The following NRL variants were observed in gnomAD, a reference collection of about 807,000 sequenced individuals.
The protein encoded by NRL is neural retina leucine zipper.
A neutral mutation model predicts 12.5 loss-of-function variants in NRL; 16 were observed. That is an observed-to-expected ratio of 1.28 (90% CI 0.87 to 1.95). NRL has a LOEUF of 1.95. Among genes scored for constraint, NRL ranks in the 30% most tolerant of loss-of-function variants. The probability of loss-of-function intolerance (pLI) is 0.00; values close to 1 mark genes in which losing one functional copy is unlikely to be tolerated. For synonymous variants in NRL, 142 were observed against 150.9 expected (o/e 0.94, Z 0.43); for missense variants, 314 against 325.8 (o/e 0.96, Z 0.28).
In NRL at chr14:24,081,346, G is replaced by T. The variant is rs1350116482; in HGVS notation, c.604C>A (p.Arg202=). ...ARLAAQLDAL[R]AEVARLARER... ...CGGGCCAGGCGGGCCACCTCGGCCC[G>T]CAGCGCGTCCAGCTGGGCGGCCAGG... Residue 202 remains arginine (R), a synonymous_variant, in exon 3 of 3, where the codon CGG becomes AGG. Transcript: ENST00000561028. The surrounding 1 kb of genome is among the most constrained non-coding windows in gnomAD (Gnocchi z 4.4). 1.4e-6 allele frequency: 2 copies of T among 1,465,630 alleles called. No homozygotes were observed. The highest frequency in any genetic ancestry group is 5.9e-5 in the East Asian group (2 of 33,940). 90.8% of individuals were successfully genotyped at this position (1,465,630 alleles called of 1,614,324 possible).
chr14:24,083,470 G>A (rs1164277426), intron 1 of NRL, among the ~76,000 whole-genome samples: 1 of 151,946 alleles, frequency 6.6e-6, no homozygotes, highest in East Asian at 1.9e-4. Flanking sequence ...GGCTTTATAT[G>A]GAAAAAAGAA....
intron 1 of NRL, among the ~76,000 whole-genome samples, chr14:24,111,746 T>C (rs995357179): frequency 1.3e-4 from 19 of 151,648 alleles, no homozygotes; most frequent in East Asian, 3.9e-4. Flanking sequence ...GCTGAGACGA[T>C]GGGGTTTTCT....
chr14:24,105,176 T>C (rs1326962738), intron 1 of NRL, among the ~76,000 whole-genome samples: 2 of 152,284 alleles, frequency 1.3e-5, no homozygotes, highest in Non-Finnish European at 2.9e-5. Flanking sequence ...TCTGGCTGGT[T>C]ATCTGCAGCA....
rs1594329807 is a variant in NRL, at chr14:24,114,920, G to A, written c.-226C>T. 2.0e-6 allele frequency: 2 copies of A among 986,056 alleles called. No homozygotes were observed. The highest frequency in any genetic ancestry group is 1.1e-4 in the East Asian group (1 of 8,826). The allele number at this position is 986,056 out of a possible 1,614,324, so 61.1% of individuals were successfully genotyped here. ...CGCTGCGGGTCCTGCGACCGCTCCTGGCTGGTGGGTGGTCTCGCGTGGGGC... is the reference window on the plus strand; with the variant it reads ...CGCTGCGGGTCCTGCGACCGCTCCTAGCTGGTGGGTGGTCTCGCGTGGGGC... On this transcript the variant is annotated 5_prime_UTR_variant, in exon 1 of 3. Coordinates refer to ENST00000561028, the MANE Select transcript of NRL (RefSeq NM_001354768.3).
intron 1 of NRL, chr14:24,103,641 T>C (rs756048339): frequency 6.2e-7 from 1 of 1,614,138 alleles, no homozygotes; most frequent in South Asian, 1.1e-5. Flanking sequence ...CCATGTCAAC[T>C]GGTTCCGGCG....
intron 1 of NRL, chr14:24,096,890 A>G (rs758243517): frequency 1.2e-6 from 2 of 1,611,736 alleles, no homozygotes; most frequent in Non-Finnish European, 1.7e-6. Flanking sequence ...TTTCTCCTAT[A>G]GGCTTAACTG....
chr14:24,082,136 A>G, intron 2 of NRL: 1 of 1,216,466 alleles, frequency 8.2e-7, no homozygotes, highest in South Asian at 1.7e-5. Flanking sequence ...CTCCACACAT[A>G]ACCCTTTCCC....
Position 24,096,752 on chromosome 14 carries a change from C to T in NRL, c.-27-13877G>A, listed in dbSNP as rs114736929. The T allele has an allele frequency of 8.5e-4, 628 of 735,366 alleles. 2 individuals carry two copies. The highest frequency in any genetic ancestry group is 6.8e-3 in the African/African-American group (394 of 57,738). 45.6% of individuals were successfully genotyped at this position (735,366 alleles called of 1,614,324 possible). A position where few individuals can be genotyped will look rare whatever the true frequency, so the allele number is the denominator to read the frequency against. On this transcript the variant is annotated intron_variant, in intron 1 of 2. Coordinates refer to ENST00000561028, the MANE Select transcript of NRL (RefSeq NM_001354768.3). ...ATGTGTCCTGAACACATCCCACACA[C>T]CAACTGCAACCTGCTCTTCATGGTC...
In NRL at chr14:24,085,118, T is replaced by G. The variant is rs2036432829; in HGVS notation, c.-27-2243A>C. 6.6e-6 allele frequency among the ~76,000 whole-genome samples: 1 copy of G among 152,224 alleles called. No homozygotes were observed. Among genetic ancestry groups the G allele is most frequent in the Non-Finnish European group, 1.5e-5 (1 of 68,040 alleles). On this transcript the variant is annotated intron_variant, in intron 1 of 2. Coordinates refer to ENST00000561028, the MANE Select transcript of NRL (RefSeq NM_001354768.3). The surrounding 1 kb of genome is among the most constrained non-coding windows in gnomAD (Gnocchi z 4.1). ...TCACATTTCTACCTCTGCCCCATCTTCATGCTGACTGGTCTTATGCCCCTC... is the reference window on the plus strand; with the variant it reads ...TCACATTTCTACCTCTGCCCCATCTGCATGCTGACTGGTCTTATGCCCCTC...
chr14:24,097,721 G>A (rs2036957573), intron 1 of NRL, among the ~76,000 whole-genome samples: 1 of 151,790 alleles, frequency 6.6e-6, no homozygotes, highest in South Asian at 2.1e-4. Context: ...AGCCTCCGGA[G>A]TAGCTGGGAT....
At chr14:24,108,193 G>A (rs1011073537) in intron 1 of NRL, among the ~76,000 whole-genome samples, 1 of 152,154 alleles carries the variant, frequency 6.6e-6, no homozygotes, top group Non-Finnish European at 1.5e-5. Context: ...CTTCTTTCAG[G>A]GGGAAATGGC....
intron 1 of NRL, among the ~76,000 whole-genome samples, chr14:24,109,103 G>T (rs2037380702): frequency 6.6e-6 from 1 of 152,206 alleles, no homozygotes; most frequent in Non-Finnish European, 1.5e-5. Flanking sequence ...AATGGGTGCT[G>T]AAGGTAGAAA....
At chr14:24,088,654 T>G (rs1237979851) in intron 1 of NRL, among the ~76,000 whole-genome samples, 2 of 143,746 alleles carry the variant, frequency 1.4e-5, no homozygotes, top group East Asian at 4.1e-4. Context: ...GAATTATACT[T>G]TTTTTTTTTT....
At chr14:24,102,418 A>G (rs1444748834) in intron 1 of NRL, among the ~76,000 whole-genome samples, 1 of 152,180 alleles carries the variant, frequency 6.6e-6, no homozygotes, top group Admixed American at 6.5e-5. Context: ...GGGAAAAATT[A>G]TTATAACCTT....
Position 24,094,463 on chromosome 14 carries a change from C to A in NRL, c.-27-11588G>T, listed in dbSNP as rs1341656248. The A allele has an allele frequency of 1.3e-6, 2 of 1,512,992 alleles. No homozygotes were observed. The highest frequency in any genetic ancestry group is 1.8e-6 in the Non-Finnish European group (2 of 1,137,708). 93.7% of individuals were successfully genotyped at this position (1,512,992 alleles called of 1,614,324 possible). A position where few individuals can be genotyped will look rare whatever the true frequency, so the allele number is the denominator to read the frequency against. ...AGTGACCCCCGGCCCGGGGCCCACC[C>A]GCACCTTCCGCTGCGCTCGCCCCCT... On this transcript the variant is annotated intron_variant, in intron 1 of 2. Transcript: ENST00000561028. The surrounding 1 kb of genome is among the most constrained non-coding windows in gnomAD (Gnocchi z 4.1).
At chr14:24,084,594 A>G in intron 1 of NRL, 5 of 985,492 alleles carry the variant, frequency 5.1e-6, no homozygotes, top group Non-Finnish European at 4.8e-6. Context: ...TGAAGGCTCC[A>G]TGGAGCAGGG....
intron 1 of NRL, among the ~76,000 whole-genome samples, chr14:24,104,446 G>A (rs1235549768): frequency 4.6e-5 from 7 of 151,314 alleles, no homozygotes; most frequent in Non-Finnish European, 7.4e-5. Flanking sequence ...GGGCTAACAC[G>A]GTGAAACCCT....
intron 1 of NRL, among the ~76,000 whole-genome samples, chr14:24,104,640 C>CAAA (rs375795839): frequency 9.4e-6 from 1 of 106,192 alleles, no homozygotes; most frequent in Non-Finnish European, 2.1e-5. Context: ...AACTCCGTCA[C>CAAA]AAAAAAAAAA....
intron 1 of NRL, chr14:24,097,143 C>T: frequency 6.2e-7 from 1 of 1,612,874 alleles, no homozygotes; most frequent in Non-Finnish European, 8.5e-7. Context: ...AACTGGTAAG[C>T]CTTGGGCTCC....
Sources: allele counts gnomAD v4.1 joint callset (sites outside exome capture counted in the v4.1 genomes callset), GRCh38; gene constraint gnomAD v4.1.1; non-coding constraint Gnocchi (gnomAD v3.1); transcripts MANE v1.5; gene names NCBI Gene and HGNC (gene_info 2026-07-23, HGNC 2026-07-21).